The following NXPE4 variants were observed in gnomAD, a reference collection of about 807,000 sequenced individuals.
NXPE4 encodes the protein NXPE family member 4.
In NXPE4, 42 loss-of-function variants were observed where a neutral mutation model predicts 33.3. The observed-to-expected ratio is 1.26, with a 90% CI of 0.98 to 1.63. The LOEUF is 1.63. Among genes scored for constraint, NXPE4 ranks in the 40% most tolerant of loss-of-function variants. The pLI is 0.00. For missense variants in NXPE4, 709 were observed against 647.6 expected, an observed-to-expected ratio of 1.09 and a Z score of -1.03; for synonymous variants, 253 against 234.9, an observed-to-expected ratio of 1.08 and a Z score of -0.71.
chr11:114,582,558 C>T lies in NXPE4; in HGVS notation c.560G>A (p.Gly187Glu), dbSNP rs1392375056. ...LSLLLIHPSE[G>E]VSALWSARNQ... ...CCTTGCACTCCAGAGAGCTGACACCCCTTCACTGGGGTGGATGAGCAGCAG... is the reference window on the plus strand; with the variant it reads ...CCTTGCACTCCAGAGAGCTGACACCTCTTCACTGGGGTGGATGAGCAGCAG... Residue 187 changes from glycine (G) to glutamate (E), a missense_variant, in exon 3 of 6, where the codon GGG (glycine) becomes GAG (glutamate). Gly to Glu is a moderately conservative substitution (Grantham distance 98). Transcript: ENST00000375478. 2 of 1,614,176 alleles carry T rather than the reference C, an allele frequency of 1.2e-6. No homozygotes were observed.
chr11:114,595,094 G>A (rs1472054425), intron 1 of NXPE4, among the ~76,000 whole-genome samples: 1 of 152,050 alleles, frequency 6.6e-6, no homozygotes, highest in Non-Finnish European at 1.5e-5. Flanking sequence ...CACCTATCAG[G>A]TTCCCTGTTC....
chr11:114,605,207 G>A, the NXPE4 span, among the ~76,000 whole-genome samples: 1 of 151,710 alleles, frequency 6.6e-6, no homozygotes, highest in Non-Finnish European at 1.5e-5. Flanking sequence ...TGGATAATAA[G>A]TATTGCCTCG....
intron 5 of NXPE4, among the ~76,000 whole-genome samples, chr11:114,572,585 A>G (rs1472930372): frequency 6.6e-6 from 1 of 152,202 alleles, no homozygotes; most frequent in Non-Finnish European, 1.5e-5. Context: ...GGAAATTCTC[A>G]GCAATAGAAT....
chr11:114,572,677 T>A (rs1405092767), intron 5 of NXPE4, among the ~76,000 whole-genome samples: 5 of 152,084 alleles, frequency 3.3e-5, no homozygotes, highest in Non-Finnish European at 5.9e-5. Flanking sequence ...AAAAGGATTT[T>A]AAAAAATGAA....
At chr11:114,577,104 T>C (rs1362321294) in intron 5 of NXPE4, among the ~76,000 whole-genome samples, 1 of 141,992 alleles carries the variant, frequency 7.0e-6, no homozygotes, top group Non-Finnish European at 1.5e-5. Flanking sequence ...TATAAAGTTA[T>C]ATATATACAC....
At chr11:114,633,456 CTTTT>C in the NXPE4 span, among the ~76,000 whole-genome samples, 2 of 143,458 alleles carry the variant, frequency 1.4e-5, no homozygotes, top group African/African-American at 5.1e-5. Flanking sequence ...TATATTTTTT[CTTTT>C]TTTTATTTTA....
At chr11:114,648,290 C>T in the NXPE4 span, among the ~76,000 whole-genome samples, 2 of 151,994 alleles carry the variant, frequency 1.3e-5, no homozygotes, top group Non-Finnish European at 2.9e-5. Flanking sequence ...GGTGTAGGTT[C>T]AGTTCAAAAG....
At chr11:114,670,199 G>C in the NXPE4 span, among the ~76,000 whole-genome samples, 3 of 151,912 alleles carry the variant, frequency 2.0e-5, no homozygotes, top group Non-Finnish European at 4.4e-5. Flanking sequence ...ATTAGTAGAG[G>C]CTATCCATTA....
At chr11:114,633,343 T>C in the NXPE4 span, among the ~76,000 whole-genome samples, 1 of 141,854 alleles carries the variant, frequency 7.0e-6, no homozygotes, top group Non-Finnish European at 1.5e-5. Context: ...CATTTTATTA[T>C]ATGATTATAT....
the NXPE4 span, among the ~76,000 whole-genome samples, chr11:114,627,165 A>G: frequency 2.0e-5 from 3 of 152,208 alleles, no homozygotes; most frequent in East Asian, 5.8e-4. Context: ...GGAAATACAG[A>G]GAACGCCACA....
chr11:114,592,543 A>C (rs1397778876), intron 2 of NXPE4, among the ~76,000 whole-genome samples: 1 of 152,042 alleles, frequency 6.6e-6, no homozygotes, highest in Non-Finnish European at 1.5e-5. Flanking sequence ...ACACACACAC[A>C]CACAAAATAG....
chr11:114,668,104 C>T, the NXPE4 span, among the ~76,000 whole-genome samples: 8 of 151,930 alleles, frequency 5.3e-5, no homozygotes, highest in East Asian at 1.6e-3. Context: ...GACTGAATAC[C>T]TCTTGATAGA....
At chr11:114,586,984 C>T (rs910466558) in intron 2 of NXPE4, among the ~76,000 whole-genome samples, 1 of 152,170 alleles carries the variant, frequency 6.6e-6, no homozygotes, top group African/African-American at 2.4e-5. Flanking sequence ...GAACATCTCT[C>T]TCTTTACCCT....
intron 5 of NXPE4, among the ~76,000 whole-genome samples, chr11:114,577,763 G>A (rs1949045666): frequency 6.6e-6 from 1 of 151,940 alleles, no homozygotes; most frequent in African/African-American, 2.4e-5. Context: ...GGTACTAATT[G>A]GTCTTTACAT....
At chr11:114,675,268 C>T in the NXPE4 span, among the ~76,000 whole-genome samples, 3 of 151,772 alleles carry the variant, frequency 2.0e-5, no homozygotes, top group Admixed American at 2.0e-4. Flanking sequence ...GATACCCACT[C>T]TTGCCATTGA....
the NXPE4 span, among the ~76,000 whole-genome samples, chr11:114,601,460 A>T: frequency 1.6e-5 from 2 of 122,614 alleles, no homozygotes; most frequent in African/African-American, 6.1e-5. Flanking sequence ...TATATTATAT[A>T]TAATATAAAA....
chr11:114,627,917 CAAAG>C, the NXPE4 span, among the ~76,000 whole-genome samples: 2 of 151,766 alleles, frequency 1.3e-5, no homozygotes, highest in Non-Finnish European at 2.9e-5. Context: ...TCAAAAGAGA[CAAAG>C]AAGGCCATTA....
the NXPE4 span, among the ~76,000 whole-genome samples, chr11:114,673,178 T>G: frequency 6.6e-6 from 1 of 150,548 alleles, no homozygotes; most frequent in African/African-American, 2.4e-5. Context: ...GAAAATAAAT[T>G]TGGAAAATTC....
rs376180475 is a variant in NXPE4 at position 114,573,064 on chromosome 11, C to A, written c.1100-1591G>T. 9.9e-5 allele frequency among the ~76,000 whole-genome samples: 15 copies of A among 152,128 alleles called. No homozygotes were observed. In the East Asian group the frequency reaches 2.9e-3, roughly 29 times the overall value. On this transcript the variant is annotated intron_variant, in intron 5 of 5. Transcript: ENST00000375478. ...AGGGATTGGGGTTCTATTTTAGCCT[C>A]CTTAAACAAAAAAATTATCAGTCAA...
Sources: allele counts gnomAD v4.1 joint callset (sites outside exome capture counted in the v4.1 genomes callset), GRCh38; gene constraint gnomAD v4.1.1; transcripts MANE v1.5; gene names NCBI Gene and HGNC (gene_info 2026-07-23, HGNC 2026-07-21).